Variants in NT5M observed in about 807,000 individuals in gnomAD.
NT5M encodes the protein 5',3'-nucleotidase, mitochondrial, also known as 5'(3')-deoxyribonucleotidase, mitochondrial.
A neutral mutation model predicts 22.2 loss-of-function variants in NT5M; 22 were observed. The observed-to-expected ratio is 0.99, with a 90% CI of 0.71 to 1.41. NT5M has a LOEUF of 1.41. NT5M is among the 40% of genes most tolerant of loss of function. The pLI is 0.00. For missense variants in NT5M, 322 were observed against 314.8 expected (o/e 1.02, Z -0.17); for synonymous variants, 167 against 133.0 (o/e 1.26, Z -1.76).
intron 1 of NT5M, chr17:17,304,419 T>C (rs550669524): frequency 1.0e-6 from 1 of 985,418 alleles, no homozygotes; most frequent in East Asian, 1.1e-4. Flanking sequence ...CCCGAGGTGT[T>C]CTGTCCAGGA....
chr17:17,329,126 T>C (rs957757100), intron 3 of NT5M, among the ~76,000 whole-genome samples: 17 of 152,172 alleles, frequency 1.1e-4, no homozygotes, highest in African/African-American at 4.1e-4. Context: ...TACAGGTGCC[T>C]GCTACCACGC....
At chr17:17,319,183 C>T (rs923729686) in intron 2 of NT5M, among the ~76,000 whole-genome samples, 1 of 148,784 alleles carries the variant, frequency 6.7e-6, no homozygotes, top group African/African-American at 2.5e-5. Flanking sequence ...TACTGCACTC[C>T]AGCCTGGGCA....
chr17:17,312,457 C>T (rs913059578), intron 2 of NT5M, among the ~76,000 whole-genome samples: 17 of 152,056 alleles, frequency 1.1e-4, no homozygotes, highest in African/African-American at 3.9e-4. Context: ...GCCTGAACAA[C>T]ATGGAGAAAC....
intron 2 of NT5M, among the ~76,000 whole-genome samples, chr17:17,320,079 T>G (rs2049119171): frequency 6.6e-6 from 1 of 152,226 alleles, no homozygotes; most frequent in African/African-American, 2.4e-5. Context: ...TGACCTCAGG[T>G]GATCTGCTTG....
intron 2 of NT5M, among the ~76,000 whole-genome samples, chr17:17,312,332 A>T (rs2048936562): frequency 6.6e-6 from 1 of 152,110 alleles, no homozygotes; most frequent in South Asian, 2.1e-4. Context: ...GTAGTAAGGG[A>T]TGCAGCTTTC....
At chr17:17,335,962 C>T (rs1365282328) in intron 3 of NT5M, among the ~76,000 whole-genome samples, 2 of 146,286 alleles carry the variant, frequency 1.4e-5, no homozygotes, top group African/African-American at 5.0e-5. Flanking sequence ...TGATTATAGT[C>T]ACCCTGTTGT....
Position 17,346,877 on chromosome 17 carries a change from C to G in NT5M, c.617C>G (p.Pro206Arg), listed in dbSNP as rs754225366. ...ACHNQHLQLQPPRRRLHSWAD... is the reference protein window; with the variant it reads ...ACHNQHLQLQRPRRRLHSWAD... ...CACAACCAGCACCTGCAGCTGCAGC[C>G]CCCCCGCCGCAGGCTGCACTCGTGG... The change falls in exon 5 of 5, where the codon CCC (proline) becomes CGC (arginine). Residue 206 changes from proline to arginine, a missense_variant. Transcript: ENST00000389022. 46 of 1,609,274 alleles carry G rather than the reference C, an allele frequency of 2.9e-5. No individual in the cohort carries two copies. The highest frequency in any genetic ancestry group is 1.3e-4 in the East Asian group (6 of 44,874).
At chr17:17,320,547 G>A (rs78749502) in intron 2 of NT5M, among the ~76,000 whole-genome samples, 4,382 of 152,308 alleles carry the variant, frequency 0.029, 188 homozygotes, top group African/African-American at 0.092. Context: ...TAGGAACTGA[G>A]GGAAGACTCG....
chr17:17,318,480 CAAAA>C (rs71355545), intron 2 of NT5M, among the ~76,000 whole-genome samples: 598 of 42,098 alleles, frequency 0.014, 5 homozygotes, highest in African/African-American at 0.043. Context: ...GACTCTGTCT[CAAAA>C]AAAAAAAAAA....
chr17:17,320,383 G>T (rs1567887932), intron 2 of NT5M, among the ~76,000 whole-genome samples: 2 of 152,108 alleles, frequency 1.3e-5, no homozygotes, highest in East Asian at 3.9e-4. Flanking sequence ...TGTGGAGAGA[G>T]GTGGGTGGAT....
chr17:17,306,744 C>G (rs547055727), intron 2 of NT5M, 101 bp downstream of exon 2: 1 of 835,028 alleles, frequency 1.2e-6, no homozygotes, highest in Non-Finnish European at 2.0e-6. Context: ...TCCTTTCTCT[C>G]TCCTTGGCCC....
In NT5M at chr17:17,303,586, CTGCAGCGCGGCGGTTCCCGCGG is replaced by C; in HGVS notation, c.37_58del (p.Cys13GlyfsTer69). ...TGGGCGGCTGGTGTGCGCGGCGGCTCTGCAGCGCGGCGGTTCCCGCGGGGCGGCGCGGGGCGGCGGGCGGGCT... is the reference window on the plus strand; with the variant it reads ...TGGGCGGCTGGTGTGCGCGGCGGCTCGGCGGCGCGGGGCGGCGGGCGGGCT... On this transcript the variant is annotated frameshift_variant, in exon 1 of 5. Transcript: ENST00000389022. LOFTEE classifies it high-confidence loss of function. 8.5e-7 allele frequency: 1 copy of C among 1,181,490 alleles called. No individual in the cohort carries two copies. The highest frequency in any genetic ancestry group is 1.1e-6 in the Non-Finnish European group (1 of 951,952). The allele number at this position is 1,181,490 out of a possible 1,614,324, so 73.2% of individuals were successfully genotyped here.
chr17:17,337,172 T>C (rs1325633897), intron 3 of NT5M, among the ~76,000 whole-genome samples: 1 of 152,170 alleles, frequency 6.6e-6, no homozygotes, highest in Non-Finnish European at 1.5e-5. Flanking sequence ...TCCTTGTAGT[T>C]TGATTTGTAT....
chr17:17,305,119 A>G (rs1340418637), intron 1 of NT5M, among the ~76,000 whole-genome samples: 1 of 152,072 alleles, frequency 6.6e-6, no homozygotes, highest in Non-Finnish European at 1.5e-5. Flanking sequence ...TCTGGACACC[A>G]TATATCCGCC....
intron 3 of NT5M, among the ~76,000 whole-genome samples, chr17:17,324,675 T>G (rs1597776833): frequency 6.6e-6 from 1 of 151,250 alleles, no homozygotes; most frequent in East Asian, 2.0e-4. Flanking sequence ...TCCCTCATGA[T>G]TTTAGAGAGT....
chr17:17,316,054 CTTT>C (rs113686367), intron 2 of NT5M, among the ~76,000 whole-genome samples: 1 of 133,188 alleles, frequency 7.5e-6, no homozygotes, highest in South Asian at 2.4e-4. Context: ...CATGCCCGGC[CTTT>C]TTTTTTTTTT....
At chr17:17,325,546 T>C (rs2049248007) in intron 3 of NT5M, among the ~76,000 whole-genome samples, 1 of 152,192 alleles carries the variant, frequency 6.6e-6, no homozygotes, top group Non-Finnish European at 1.5e-5. Flanking sequence ...ATCTTGGCAT[T>C]TACTGCCAGT....
intron 3 of NT5M, among the ~76,000 whole-genome samples, chr17:17,328,408 G>C (rs1000531820): frequency 8.5e-5 from 13 of 152,176 alleles, no homozygotes; most frequent in Non-Finnish European, 1.6e-4. Flanking sequence ...TGAGAAGTGA[G>C]TAAGGCGAAG....
At chr17:17,335,587 C>T in intron 3 of NT5M, among the ~76,000 whole-genome samples, 1 of 151,962 alleles carries the variant, frequency 6.6e-6, no homozygotes, top group South Asian at 2.1e-4. Context: ...AACATTCAAT[C>T]CTTTGTGTTA....
Sources: gnomAD v4.1 joint callset for allele counts (sites outside exome capture counted in the v4.1 genomes callset) on GRCh38, gnomAD v4.1.1 for gene constraint, MANE v1.5 for transcripts, NCBI Gene and HGNC (gene_info 2026-07-23, HGNC 2026-07-21) for gene names.